The following MGA variants were observed in gnomAD, a reference collection of about 807,000 sequenced individuals.
MGA encodes the protein MAX gene-associated protein.
MGA carries 40 observed loss-of-function variants against 261.1 expected under a neutral mutation model. That is an observed-to-expected ratio of 0.15 (90% CI 0.12 to 0.20). MGA has a LOEUF of 0.20. Ranked by LOEUF, MGA falls within the 10% of genes least tolerant of loss-of-function variation. The probability of loss-of-function intolerance (pLI) is 1.00; values close to 1 mark genes in which losing one functional copy is unlikely to be tolerated. For synonymous variants in MGA, 1,302 were observed against 1,290.6 expected, an observed-to-expected ratio of 1.01 and a Z score of -0.19; for missense variants, 3,397 against 3,630.5, an observed-to-expected ratio of 0.94 and a Z score of 1.65.
chr15:41,665,554 G>C (rs1595616180), intron 1 of MGA, among the ~76,000 whole-genome samples: 1 of 152,186 alleles, frequency 6.6e-6, no homozygotes, highest in African/African-American at 2.4e-5. Flanking sequence ...CCATTGTAGA[G>C]ATGGAGTCTC....
intron 2 of MGA, 68 bp from the exon 3 acceptor site, chr15:41,696,007 T>C: frequency 8.5e-7 from 1 of 1,180,302 alleles, no homozygotes; most frequent in Non-Finnish European, 1.2e-6. Flanking sequence ...TTTTTTTTTT[T>C]TTCTCTTCAA....
chr15:41,734,152 C>G (rs2061653935), intron 11 of MGA, among the ~76,000 whole-genome samples: 2 of 151,966 alleles, frequency 1.3e-5, no homozygotes, highest in African/African-American at 4.8e-5. Context: ...AAGTGATCTT[C>G]CCACCTCGGC....
intron 2 of MGA, among the ~76,000 whole-genome samples, chr15:41,680,770 A>G (rs1192981636): frequency 6.6e-6 from 1 of 152,198 alleles, no homozygotes; most frequent in Non-Finnish European, 1.5e-5. Context: ...CAGTGTGTTC[A>G]CCAGCCAGGA....
upstream of MGA, among the ~76,000 whole-genome samples, chr15:41,657,339 CTTTTTTTTTTTTTTT>C (rs373920516): frequency 9.4e-5 from 10 of 106,912 alleles, no homozygotes; most frequent in African/African-American, 3.9e-4. Context: ...AGTGAAGGCC[CTTTTTTTTTTTTTTT>C]TTTTTTTTTT....
At chr15:41,711,439 A>C in intron 8 of MGA, 90 bp downstream of exon 8, 3 of 1,321,536 alleles carry the variant, frequency 2.3e-6, no homozygotes, top group Admixed American at 2.6e-5. Context: ...ACTTTTTGGC[A>C]GGGTGATCAG....
At chr15:41,686,273 G>A (rs972066786) in intron 2 of MGA, among the ~76,000 whole-genome samples, 1 of 152,112 alleles carries the variant, frequency 6.6e-6, no homozygotes, top group African/African-American at 2.4e-5. Context: ...AGCACTTTGG[G>A]AGGCCGAGGT....
intron 15 of MGA, among the ~76,000 whole-genome samples, chr15:41,744,869 T>C (rs184167436): frequency 7.0e-4 from 106 of 152,052 alleles, no homozygotes; most frequent in Non-Finnish European, 1.4e-3. Flanking sequence ...TGTAAATGTG[T>C]GTGTGTTTGT....
chr15:41,705,216 C>T (rs2060046180), intron 5 of MGA, among the ~76,000 whole-genome samples: 1 of 152,182 alleles, frequency 6.6e-6, no homozygotes, highest in African/African-American at 2.4e-5. Flanking sequence ...CTGCCCACCT[C>T]AACCTCCCAA....
rs550238630 is a variant in MGA at position 41,749,902 on chromosome 15, C to G, written c.6295C>G (p.Gln2099Glu). ...TGAAAAAGCCAGTAATAAGACAGTC[C>G]AAAATTTAAGTAAAGTACAGCATCA... is the stretch of plus-strand genomic sequence containing the variant. The change falls in exon 17 of 24, where the codon CAA becomes GAA. Residue 2099 changes from glutamine to glutamate, a missense_variant. By Grantham distance (29) the Gln-to-Glu change is conservative. This residue lies in a region of MGA where 1,410 missense variants were observed against 1,386.4 expected (regional missense o/e 1.02). Coordinates refer to ENST00000219905, the MANE Select transcript of MGA (RefSeq NM_001164273.2). 11 of 1,613,814 alleles carry G rather than the reference C, an allele frequency of 6.8e-6. No homozygotes were observed. In the East Asian group the frequency reaches 2.5e-4, roughly 36 times the overall value.
At chr15:41,745,472 A>G (rs1219320037) in intron 15 of MGA, among the ~76,000 whole-genome samples, 1 of 151,646 alleles carries the variant, frequency 6.6e-6, no homozygotes, top group Admixed American at 6.6e-5. Flanking sequence ...GAAGAAAGCT[A>G]GAAAATACTA....
At chr15:41,661,576 C>T (rs2057403525) in intron 1 of MGA, among the ~76,000 whole-genome samples, 1 of 152,104 alleles carries the variant, frequency 6.6e-6, no homozygotes, top group Non-Finnish European at 1.5e-5. Context: ...CAGACCAACA[C>T]GAGAAACCAA....
In MGA at chr15:41,696,126, C is replaced by T; in HGVS notation, c.1116C>T (p.Asp372=). Residue 372 remains aspartate, a synonymous_variant, in exon 3 of 24, where the codon GAC becomes GAT. Transcript: ENST00000219905. ...ACTCCCGTGTAGCCTCACCGTTAGACCAGAACGGAAGCTTCAATGTTGTTA... is the reference window on the plus strand; with the variant it reads ...ACTCCCGTGTAGCCTCACCGTTAGATCAGAACGGAAGCTTCAATGTTGTTA... 6.2e-7 allele frequency: 1 copy of T among 1,613,780 alleles called. No homozygotes were observed. Among genetic ancestry groups the T allele is most frequent in the African/African-American group, 1.3e-5 (1 of 74,964 alleles).
rs530122821 is a variant in MGA, at chr15:41,689,977, A to G, written c.1065-6098A>G. 5.5e-4 allele frequency among the ~76,000 whole-genome samples: 84 copies of G among 152,344 alleles called. No individual in the cohort carries two copies. In the South Asian group the frequency reaches 0.011, roughly 20 times the overall value. ...CTACCAACTGAAAGTGTAGAGTTCA[A>G]TGGTTTTTAATATATTCACAGGATT... On this transcript the variant is annotated intron_variant, in intron 2 of 23. Coordinates refer to ENST00000219905, the MANE Select transcript of MGA (RefSeq NM_001164273.2).
chr15:41,664,353 GT>G (rs1472349601), intron 1 of MGA, among the ~76,000 whole-genome samples: 1 of 152,116 alleles, frequency 6.6e-6, no homozygotes, highest in Non-Finnish European at 1.5e-5. Context: ...ACCAAACTGG[GT>G]TTTTGTCAAC....
intron 8 of MGA, 85 bp downstream of exon 8, chr15:41,711,434 T>C: frequency 7.3e-7 from 1 of 1,362,654 alleles, no homozygotes; most frequent in Non-Finnish European, 9.8e-7. Context: ...ATGGTACTTT[T>C]TGGCAGGGTG....
intron 9 of MGA, among the ~76,000 whole-genome samples, chr15:41,724,773 T>C (rs1490770702): frequency 6.6e-6 from 1 of 152,204 alleles, no homozygotes; most frequent in Non-Finnish European, 1.5e-5. Flanking sequence ...TGCAGCTGGC[T>C]AATTGACTCA....
rs533175238 is a variant in MGA at position 41,701,618 on chromosome 15, A to C, written c.2188+2459A>C. Among the ~76,000 whole-genome samples, 6 of 152,292 alleles carry C rather than the reference A, an allele frequency of 3.9e-5. No homozygotes were observed. The South Asian group carries it at 6.2e-4, about 16-fold the overall frequency. On this transcript the variant is annotated intron_variant, in intron 5 of 23. Coordinates refer to ENST00000219905, the MANE Select transcript of MGA (RefSeq NM_001164273.2). ...GCACTTCTTCTAAAGGGACAGCTGC[A>C]TCAGTGGATTGTTGTCATATGGAAA...
At chr15:41,653,362 C>G (rs1294691566) in intron 1 of MGA, among the ~76,000 whole-genome samples, 1 of 150,294 alleles carries the variant, frequency 6.7e-6, no homozygotes, top group Non-Finnish European at 1.5e-5. Context: ...GACCGAGACT[C>G]CATCTCAGAA....
intron 5 of MGA, among the ~76,000 whole-genome samples, chr15:41,703,259 A>T (rs2059937801): frequency 6.6e-6 from 1 of 151,748 alleles, no homozygotes; most frequent in Non-Finnish European, 1.5e-5. Context: ...CTCAGTTGAG[A>T]CTTATCATCT....
Sources: allele counts gnomAD v4.1 joint callset (sites outside exome capture counted in the v4.1 genomes callset), GRCh38; gene constraint gnomAD v4.1.1; regional missense constraint gnomAD v4.1.1; transcripts MANE v1.5; gene names NCBI Gene and HGNC (gene_info 2026-07-23, HGNC 2026-07-21).